LRBA: variants seen among roughly 807,000 people sequenced by gnomAD.
LRBA encodes the protein lipopolysaccharide-responsive and beige-like anchor protein.
A neutral mutation model predicts 330.0 loss-of-function variants in LRBA; 176 were observed. The observed-to-expected ratio is 0.53, with a 90% confidence interval of 0.47 to 0.60. LRBA has a LOEUF of 0.60. Ranked by LOEUF, LRBA falls within the 20% of genes least tolerant of loss-of-function variation. The pLI, the probability that LRBA is intolerant of heterozygous loss-of-function variation, is 0.00. For missense variants in LRBA, 3,259 were observed against 3,444.8 expected (o/e 0.95, Z 1.35); for synonymous variants, 1,230 against 1,193.0 (o/e 1.03, Z -0.64).
chr4:150,774,422 T>C (rs1055899893), intron 34 of LRBA, among the ~76,000 whole-genome samples: 1 of 152,202 alleles, frequency 6.6e-6, no homozygotes, highest in Admixed American at 6.5e-5. Context: ...TAACCCTTTC[T>C]CCTATCTCTT....
chr4:150,874,623 G>T (rs764986094), intron 17 of LRBA, among the ~76,000 whole-genome samples: 24 of 152,174 alleles, frequency 1.6e-4, no homozygotes, highest in Admixed American at 5.9e-4. Flanking sequence ...TGTCATTGCT[G>T]GGTGCTCCAG....
rs1412980802 is a variant in LRBA, at chr4:150,806,389, A to G, written c.5400T>C (p.Leu1800=). Residue 1800 remains leucine (L), a synonymous_variant, in exon 33 of 57, where the codon CTT becomes CTC. Transcript: ENST00000651943. ...GAGCTGCCTTTTCCAAAGCGTGTTCAAGCCTCTCTGTAATACTAAGGAAAA... is the reference window on the plus strand; with the variant it reads ...GAGCTGCCTTTTCCAAAGCGTGTTCGAGCCTCTCTGTAATACTAAGGAAAA... ...PVSNMSITER[L]EHALEKAAPL... is the part of the protein sequence containing the mutation. 1.2e-6 allele frequency: 2 copies of G among 1,608,202 alleles called. No individual in the cohort carries two copies. Among genetic ancestry groups the G allele is most frequent in the South Asian group, 2.2e-5 (2 of 89,882 alleles).
chr4:150,338,043 T>G (rs189948681), intron 48 of LRBA, among the ~76,000 whole-genome samples: 122 of 152,280 alleles, frequency 8.0e-4, no homozygotes, highest in Middle Eastern at 6.8e-3. Flanking sequence ...ACTGGGGTCA[T>G]GTAAACTTAA....
At position 150,803,617 on chromosome 4, in the gene LRBA, C is replaced by T. The variant is rs116015734; in HGVS notation, c.5518+2654G>A. Among the ~76,000 whole-genome samples the T allele has an allele frequency of 7.9e-3, 1,204 of 152,240 alleles. 11 individuals carry two copies. Among genetic ancestry groups the T allele is most frequent in the Non-Finnish European group, 0.013 (887 of 67,988 alleles). ...ATGCTTTTTGTACAGTATTATGCTG[C>T]TTATACAGTACTATGGCACAATCAC... On this transcript the variant is annotated intron_variant, in intron 33 of 56. Coordinates refer to ENST00000651943, the MANE Select transcript of LRBA (RefSeq NM_001364905.1).
At chr4:150,833,277 C>G (rs1462693568) in intron 28 of LRBA, among the ~76,000 whole-genome samples, 1 of 151,826 alleles carries the variant, frequency 6.6e-6, no homozygotes, top group Non-Finnish European at 1.5e-5. Context: ...CCTACACACA[C>G]CACTATTCTA....
intron 37 of LRBA, among the ~76,000 whole-genome samples, chr4:150,661,078 TA>T (rs559512113): frequency 0.49 from 50,305 of 102,482 alleles, 12,630 homozygotes; most frequent in Non-Finnish European, 0.62. Context: ...AAAAATAAAT[TA>T]AAAAAAAAAA....
intron 30 of LRBA, among the ~76,000 whole-genome samples, chr4:150,822,437 C>T (rs1745575726): frequency 6.6e-6 from 1 of 152,106 alleles, no homozygotes. Context: ...TTTCTGGGTA[C>T]TCAATCTAAC....
intron 2 of LRBA, among the ~76,000 whole-genome samples, chr4:151,005,833 G>A (rs1744009603): frequency 6.6e-6 from 1 of 151,846 alleles, no homozygotes; most frequent in South Asian, 2.1e-4. Flanking sequence ...GACCTCAGGT[G>A]ATCCCACCCA....
At chr4:150,334,097 AT>A (rs1424248165) in intron 48 of LRBA, among the ~76,000 whole-genome samples, 1 of 152,160 alleles carries the variant, frequency 6.6e-6, no homozygotes, top group Non-Finnish European at 1.5e-5. Context: ...AATTCACAAA[AT>A]TAAAAAGTAG....
chr4:150,875,517 C>T (rs1753916367), intron 17 of LRBA, among the ~76,000 whole-genome samples: 1 of 152,152 alleles, frequency 6.6e-6, no homozygotes, highest in African/African-American at 2.4e-5. Flanking sequence ...ATATACCCAG[C>T]CACATTGGCC....
intron 2 of LRBA, among the ~76,000 whole-genome samples, chr4:150,991,791 A>C (rs1742116481): frequency 6.6e-6 from 1 of 152,250 alleles, no homozygotes; most frequent in Non-Finnish European, 1.5e-5. Flanking sequence ...GGTGAATTTT[A>C]TTCTATGTAA....
At position 150,851,928 on chromosome 4, in the gene LRBA, C is replaced by T. The variant is rs767343869; in HGVS notation, c.3782G>A (p.Ser1261Asn). Residue 1261 changes from serine to asparagine, a missense_variant, in exon 23 of 57, where the codon AGT becomes AAT. By Grantham distance (46) the Ser-to-Asn change is conservative. Coordinates refer to ENST00000651943, the MANE Select transcript of LRBA (RefSeq NM_001364905.1). ...AGGTTGAGGTGCTTCCACGTTGGGA[C>T]TGGCCTTCAACTCCAGCCTCTCAGT... ...TDTERLELKA[S>N]PNVEAPQPHR... 21 of 1,613,864 alleles carry T rather than the reference C, an allele frequency of 1.3e-5. 1 individual carries two copies. The East Asian group carries it at 4.7e-4, about 36-fold the overall frequency.
At chr4:150,994,077 A>C (rs1424974365) in intron 2 of LRBA, among the ~76,000 whole-genome samples, 1 of 151,968 alleles carries the variant, frequency 6.6e-6, no homozygotes, top group Non-Finnish European at 1.5e-5. Flanking sequence ...AAAAAAAAAA[A>C]AAAAATCAAT....
intron 40 of LRBA, among the ~76,000 whole-genome samples, chr4:150,571,648 T>A (rs970096916): frequency 7.7e-6 from 1 of 130,372 alleles, no homozygotes; most frequent in African/African-American, 3.0e-5. Flanking sequence ...ACTGGTTAGT[T>A]GTTTTTTTTT....
At chr4:150,942,351 T>A (rs1260781275) in intron 2 of LRBA, among the ~76,000 whole-genome samples, 3 of 152,184 alleles carry the variant, frequency 2.0e-5, no homozygotes, top group Non-Finnish European at 1.5e-5. Context: ...TTCAGAAAAT[T>A]AGGTTAAATT....
At chr4:150,339,875 C>A (rs577783340) in intron 48 of LRBA, among the ~76,000 whole-genome samples, 1 of 139,878 alleles carries the variant, frequency 7.1e-6, no homozygotes, top group East Asian at 2.2e-4. Context: ...TATGATAATA[C>A]GGTTTGGCTG....
At chr4:150,630,595 A>T (rs1421227760) in intron 37 of LRBA, among the ~76,000 whole-genome samples, 1 of 152,204 alleles carries the variant, frequency 6.6e-6, no homozygotes, top group African/African-American at 2.4e-5. Flanking sequence ...TGTTTTAAAC[A>T]AATACAGTAT....
At chr4:150,883,968 C>G (rs1285079883) in intron 17 of LRBA, among the ~76,000 whole-genome samples, 1 of 151,684 alleles carries the variant, frequency 6.6e-6, no homozygotes, top group Non-Finnish European at 1.5e-5. Context: ...GGAATAAAAC[C>G]GAAAAAAATT....
At chr4:150,784,187 T>G (rs535327479) in intron 34 of LRBA, among the ~76,000 whole-genome samples, 1 of 152,330 alleles carries the variant, frequency 6.6e-6, no homozygotes, top group African/African-American at 2.4e-5. Flanking sequence ...AATTAACATA[T>G]CTATAGCCTC....
Sources: allele counts gnomAD v4.1 joint callset (sites outside exome capture counted in the v4.1 genomes callset), GRCh38; gene constraint gnomAD v4.1.1; transcripts MANE v1.5; gene names NCBI Gene and HGNC (gene_info 2026-07-23, HGNC 2026-07-21).